HEG1: variants seen among roughly 807,000 people sequenced by gnomAD.
HEG1 encodes protein HEG homolog 1.
Under a neutral mutation model 125.6 loss-of-function variants are expected in HEG1, and 56 were observed. The observed-to-expected ratio is 0.45, with a 90% CI of 0.36 to 0.56. The LOEUF is 0.56. HEG1 is among the 20% of genes least tolerant of loss of function. The pLI, the probability that HEG1 is intolerant of heterozygous loss-of-function variation, is 0.00. For synonymous variants in HEG1, 644 were observed against 668.5 expected (o/e 0.96, Z 0.57); for missense variants, 1,523 against 1,670.0 (o/e 0.91, Z 1.53).
At chr3:124,977,454 A>G (rs1936567847) in intron 15 of HEG1, among the ~76,000 whole-genome samples, 1 of 152,142 alleles carries the variant, frequency 6.6e-6, no homozygotes, top group African/African-American at 2.4e-5. Flanking sequence ...AGTTCCTTCT[A>G]TATTCTAGAT....
chr3:125,012,498 G>A (rs1048921527), intron 6 of HEG1, 125 bp downstream of exon 6: 44 of 1,020,816 alleles, frequency 4.3e-5, no homozygotes, highest in South Asian at 6.9e-5. Flanking sequence ...ATTTTAGGTC[G>A]CAAAACAGAA....
rs1181549494 is a variant in HEG1 at position 125,021,087 on chromosome 3, C to T, written c.957G>A (p.Gln319=). ...TEKLNNSTGL[Q]SSSVSQTKTM... ...TCTTTGTTTGACTGACTGAGGAGCTCTGGAGGCCAGTGGAGTTGTTAAGCT... is the reference window on the plus strand; with the variant it reads ...TCTTTGTTTGACTGACTGAGGAGCTTTGGAGGCCAGTGGAGTTGTTAAGCT... Residue 319 remains glutamine, a synonymous_variant, in exon 4 of 17, where the codon CAG becomes CAA. Transcript: ENST00000311127. 1.3e-6 allele frequency: 2 copies of T among 1,596,468 alleles called. No individual in the cohort carries two copies. Among genetic ancestry groups the T allele is most frequent in the Non-Finnish European group, 1.7e-6 (2 of 1,171,022 alleles).
At position 124,976,599 on chromosome 3, in the gene HEG1, C is replaced by T. The variant is rs943048949; in HGVS notation, c.3821+1260G>A. 2.3e-4 allele frequency among the ~76,000 whole-genome samples: 35 copies of T among 151,622 alleles called. 1 individual carries two copies. The highest frequency in any genetic ancestry group is 8.0e-4 in the African/African-American group (33 of 41,214). ...TGACTAATGATGTTGACCATCTTTTCGTGTGTGCCACGATCGGGATATAGT... is the reference window on the plus strand; with the variant it reads ...TGACTAATGATGTTGACCATCTTTTTGTGTGTGCCACGATCGGGATATAGT... On this transcript the variant is annotated intron_variant, in intron 15 of 16. Transcript: ENST00000311127.
chr3:125,032,893 T>C (rs1161444279), intron 1 of HEG1, among the ~76,000 whole-genome samples: 1 of 152,152 alleles, frequency 6.6e-6, no homozygotes, highest in Non-Finnish European at 1.5e-5. Flanking sequence ...CTTTGTTCCC[T>C]TCCTCTCCAA....
intron 15 of HEG1, among the ~76,000 whole-genome samples, chr3:124,977,205 T>A (rs1188720680): frequency 6.6e-6 from 1 of 152,212 alleles, no homozygotes; most frequent in Non-Finnish European, 1.5e-5. Flanking sequence ...TTATGAGGCT[T>A]CCCCAGCCAC....
intron 8 of HEG1, among the ~76,000 whole-genome samples, chr3:125,008,605 A>G (rs1937105693): frequency 6.6e-6 from 1 of 152,150 alleles, no homozygotes; most frequent in Non-Finnish European, 1.5e-5. Flanking sequence ...GTTCGAGAGC[A>G]TGGCCAACAT....
chr3:125,017,900 G>C lies in HEG1; in HGVS notation c.1588+1362C>G, dbSNP rs567352928. On this transcript the variant is annotated intron_variant, in intron 5 of 16. Coordinates refer to ENST00000311127, the MANE Select transcript of HEG1 (RefSeq NM_020733.2). ...AAAAATTAGCCAGGCGTGGTGGTGG[G>C]CACCTGTAGTCCCAGCTACTCGGGA... Among the ~76,000 whole-genome samples the C allele has an allele frequency of 3.3e-5, 5 of 151,994 alleles. No homozygotes were observed. In the East Asian group the frequency reaches 9.7e-4, roughly 29 times the overall value.
Position 124,977,884 on chromosome 3 carries a change from T to C in HEG1, c.3796A>G (p.Ile1266Val). 1 of 1,577,544 alleles carries C rather than the reference T, an allele frequency of 6.3e-7. No individual in the cohort carries two copies. The highest frequency in any genetic ancestry group is 8.6e-7 in the Non-Finnish European group (1 of 1,161,430). Residue 1266 changes from isoleucine to valine, a missense_variant, in exon 15 of 17, where the codon ATC becomes GTC. Ile to Val is a conservative substitution (Grantham distance 29). Coordinates refer to ENST00000311127, the MANE Select transcript of HEG1 (RefSeq NM_020733.2). ...AGGGLLLILGIALIVTCCRKN... is the reference protein window; with the variant it reads ...AGGGLLLILGVALIVTCCRKN... ...CTGCAACAGGTAACAATCAGTGCGA[T>C]GCCTAGGATGAGCAGGAGCCCACCT...
intron 8 of HEG1, among the ~76,000 whole-genome samples, chr3:125,007,345 G>A (rs1245518411): frequency 6.6e-6 from 1 of 152,050 alleles, no homozygotes; most frequent in Non-Finnish European, 1.5e-5. Context: ...ACTCACTCCA[G>A]GCAGAGTTTT....
intron 2 of HEG1, among the ~76,000 whole-genome samples, chr3:125,028,379 T>G (rs1937449061): frequency 6.6e-6 from 1 of 152,208 alleles, no homozygotes; most frequent in Non-Finnish European, 1.5e-5. Context: ...TCCTACCTGT[T>G]CCTCCTCTCC....
chr3:125,014,786 G>C (rs1454517356), intron 5 of HEG1: 4 of 1,289,736 alleles, frequency 3.1e-6, no homozygotes, highest in Non-Finnish European at 4.0e-6. Flanking sequence ...CGTGCAGAGA[G>C]GCACCCTCTG....
At chr3:125,015,790 AG>A (rs1242478756) in intron 5 of HEG1, among the ~76,000 whole-genome samples, 1 of 152,030 alleles carries the variant, frequency 6.6e-6, no homozygotes, top group Admixed American at 6.5e-5. Flanking sequence ...CTGTACAAAA[AG>A]AAAAAAAAAC....
At chr3:125,032,024 A>G (rs149409187) in intron 1 of HEG1, among the ~76,000 whole-genome samples, 64 of 152,360 alleles carry the variant, frequency 4.2e-4, no homozygotes, top group African/African-American at 1.5e-3. Context: ...TTATCACTTC[A>G]ATATGTAACT....
At chr3:125,001,367 C>A (rs1181665265) in intron 11 of HEG1, among the ~76,000 whole-genome samples, 1 of 152,062 alleles carries the variant, frequency 6.6e-6, no homozygotes, top group African/African-American at 2.4e-5. Context: ...CTCATTGCAG[C>A]CTCGAACTCC....
intron 14 of HEG1, among the ~76,000 whole-genome samples, chr3:124,988,263 C>T (rs1342854970): frequency 6.6e-6 from 1 of 151,968 alleles, no homozygotes; most frequent in Non-Finnish European, 1.5e-5. Context: ...CATAAAGACC[C>T]TGAGCCCAGC....
At chr3:124,988,615 T>G (rs1290695008) in intron 14 of HEG1, among the ~76,000 whole-genome samples, 1 of 151,994 alleles carries the variant, frequency 6.6e-6, no homozygotes, top group Non-Finnish European at 1.5e-5. Context: ...GGCTGCAGGT[T>G]GCTACTTAAA....
chr3:125,024,674 G>A (rs1056909343), intron 3 of HEG1, among the ~76,000 whole-genome samples: 1 of 152,302 alleles, frequency 6.6e-6, no homozygotes, highest in South Asian at 2.1e-4. Context: ...ATTTGGTTTT[G>A]GAAGCAGGTA....
At position 125,019,278 on chromosome 3, in the gene HEG1, T is replaced by C. The variant is rs1215924390; in HGVS notation, c.1572A>G (p.Pro524=). The C allele has an allele frequency of 8.7e-6, 14 of 1,609,260 alleles. No individual in the cohort carries two copies. The highest frequency in any genetic ancestry group is 1.2e-5 in the Non-Finnish European group (14 of 1,175,928). ...AAAACTCACTCGAACGTTCTCCACG[T>C]GGTGCTGATGAATTCAAGCTTTCCG... The part of the protein sequence containing the change: ...SSSESLNSSA[P]RGERSIAGIS... Residue 524 remains proline, a synonymous_variant, in exon 5 of 17, where the codon CCA becomes CCG. Transcript: ENST00000311127.
chr3:124,974,614 C>T (rs1936502977), intron 15 of HEG1, among the ~76,000 whole-genome samples: 1 of 152,200 alleles, frequency 6.6e-6, no homozygotes, highest in Admixed American at 6.5e-5. Flanking sequence ...TACAGAAATG[C>T]TACTCGTGAG....
Sources: allele counts gnomAD v4.1 joint callset (sites outside exome capture counted in the v4.1 genomes callset), GRCh38; gene constraint gnomAD v4.1.1; transcripts MANE v1.5; gene names NCBI Gene and HGNC (gene_info 2026-07-23, HGNC 2026-07-21).